MAPKAPK5: variants seen among roughly 807,000 people sequenced by gnomAD.
The protein encoded by MAPKAPK5 is MAP kinase-activated protein kinase 5.
MAPKAPK5 carries 30 observed loss-of-function variants against 65.1 expected under a neutral mutation model. The observed-to-expected ratio is 0.46, with a 90% CI of 0.34 to 0.63. The LOEUF (loss-of-function observed/expected upper bound fraction) is 0.63, where lower values mean the gene tolerates loss of function less well. Among genes scored for constraint, MAPKAPK5 ranks in the 20% least tolerant of loss-of-function variants. The pLI is 0.01. For synonymous variants in MAPKAPK5, 179 were observed against 204.6 expected (o/e 0.87, Z 1.07); for missense variants, 433 against 581.4 (o/e 0.74, Z 2.63).
chr12:111,845,075 T>C (rs886760901), intron 1 of MAPKAPK5, among the ~76,000 whole-genome samples: 1 of 152,078 alleles, frequency 6.6e-6, no homozygotes, highest in Non-Finnish European at 1.5e-5. Flanking sequence ...AGGGCAGCAA[T>C]GTCACTTAGT....
chr12:111,884,594 T>G (rs1246801441), intron 9 of MAPKAPK5, among the ~76,000 whole-genome samples: 1 of 152,188 alleles, frequency 6.6e-6, no homozygotes, highest in Non-Finnish European at 1.5e-5. Flanking sequence ...TCAGAGTCTT[T>G]TGGTAGCTGT....
At chr12:111,843,165 C>T (rs1220463149) in intron 1 of MAPKAPK5, 10 of 398,656 alleles carry the variant, frequency 2.5e-5, no homozygotes, top group Non-Finnish European at 4.0e-5. Flanking sequence ...ATCCATCCCT[C>T]CCGATTTGTT....
At chr12:111,846,691 G>T (rs1260216470) in intron 1 of MAPKAPK5, among the ~76,000 whole-genome samples, 2 of 151,492 alleles carry the variant, frequency 1.3e-5, no homozygotes, top group Non-Finnish European at 2.9e-5. Context: ...TAGAGACGGG[G>T]TTTCACCATG....
At chr12:111,860,226 A>G (rs779833881) in intron 1 of MAPKAPK5, among the ~76,000 whole-genome samples, 11 of 152,182 alleles carry the variant, frequency 7.2e-5, no homozygotes, top group Non-Finnish European at 1.5e-4. Context: ...ATCAACTTAC[A>G]GTCAAATGCT....
intron 1 of MAPKAPK5, among the ~76,000 whole-genome samples, chr12:111,846,725 C>G (rs1321218722): frequency 6.6e-6 from 1 of 151,988 alleles, no homozygotes; most frequent in East Asian, 1.9e-4. Context: ...TCTCGAACTC[C>G]TGACCTCATG....
At position 111,901,201 on chromosome 12, in the gene MAPKAPK5, A is replaced by AAGTC. The variant is rs1566299960; in HGVS notation, c.*8141_*8144dup. ...AATGGCACTTACTGTGCACCAAACAAAGTCTGCCTGAATTCCGCCTGCACA... is the reference window on the plus strand; with the variant it reads ...AATGGCACTTACTGTGCACCAAACAAAGTCAGTCTGCCTGAATTCCGCCTGCACA... On this transcript the variant is annotated 3_prime_UTR_variant, in exon 14 of 14. Transcript: ENST00000550735. 2.2e-6 allele frequency: 1 copy of AAGTC among 455,898 alleles called. No individual in the cohort carries two copies. The highest frequency in any genetic ancestry group is 4.4e-6 in the Non-Finnish European group (1 of 226,798). The allele number at this position is 455,898 out of a possible 1,614,324, so 28.2% of individuals were successfully genotyped here. A position where few individuals can be genotyped will look rare whatever the true frequency, so the allele number is the denominator to read the frequency against.
rs2070857022 is a variant in MAPKAPK5 at position 111,897,330 on chromosome 12, ATTG to A, written c.*4273_*4275del. 1 of 152,144 alleles carries A rather than the reference ATTG, an allele frequency of 6.6e-6. No individual in the cohort carries two copies. Among genetic ancestry groups the A allele is most frequent in the Non-Finnish European group, 1.5e-5 (1 of 68,012 alleles). 9.4% of individuals were successfully genotyped at this position (152,144 alleles called of 1,614,324 possible). A position where few individuals can be genotyped will look rare whatever the true frequency, so the allele number is the denominator to read the frequency against. On this transcript the variant is annotated 3_prime_UTR_variant, in exon 14 of 14. Coordinates refer to ENST00000550735, the MANE Select transcript of MAPKAPK5 (RefSeq NM_003668.4). ...GAAAAAATGAGTTGAAGAAATGGTA[ATTG>A]TTGGTCAAAGAAGCCAAAAGATTTA...
rs1344294128 is a variant in MAPKAPK5, at chr12:111,884,732, A to T, written c.848+964A>T. Among the ~76,000 whole-genome samples the T allele has an allele frequency of 3.9e-5, 6 of 152,198 alleles. No homozygotes were observed. The South Asian group carries it at 8.3e-4, about 21-fold the overall frequency. ...TCCCACTGCTGGGTCTTCACTGAGC[A>T]GTGTCTCCCTTGTTGGTCTCAGTTT... On this transcript the variant is annotated intron_variant, in intron 9 of 13. Transcript: ENST00000550735.
intron 9 of MAPKAPK5, among the ~76,000 whole-genome samples, chr12:111,885,221 A>G (rs2070364258): frequency 6.6e-6 from 1 of 152,306 alleles, no homozygotes; most frequent in East Asian, 1.9e-4. Context: ...GCAGTTAGGC[A>G]TGTTGTCCTG....
intron 1 of MAPKAPK5, among the ~76,000 whole-genome samples, chr12:111,844,263 T>G (rs2068834827): frequency 6.6e-6 from 1 of 151,712 alleles, no homozygotes; most frequent in Admixed American, 6.6e-5. Context: ...TGCTCTTGGC[T>G]CACTGCAACC....
intron 7 of MAPKAPK5, among the ~76,000 whole-genome samples, chr12:111,877,984 G>A (rs1304743644): frequency 2.0e-5 from 3 of 150,120 alleles, no homozygotes; most frequent in Non-Finnish European, 3.0e-5. Context: ...GATCTACCAC[G>A]TCCAGCTGAC....
At chr12:111,869,107 ACT>A (rs1193357542) in intron 5 of MAPKAPK5, among the ~76,000 whole-genome samples, 2 of 144,734 alleles carry the variant, frequency 1.4e-5, no homozygotes, top group Admixed American at 6.8e-5. Flanking sequence ...ATTTCAATAA[ACT>A]CTGGAAGGAA....
intron 13 of MAPKAPK5, 21 bp downstream of exon 13, chr12:111,890,165 C>A (rs1193067100): frequency 2.0e-5 from 30 of 1,496,434 alleles, no homozygotes; most frequent in Non-Finnish European, 2.5e-5. Context: ...TCATCAACTC[C>A]CTTCCCCAGG....
chr12:111,842,510 C>T lies in MAPKAPK5; in HGVS notation c.-224C>T. The T allele has an allele frequency of 2.9e-6, 1 of 350,056 alleles. No individual in the cohort carries two copies. 21.7% of individuals were successfully genotyped at this position (350,056 alleles called of 1,614,324 possible). On this transcript the variant is annotated 5_prime_UTR_variant, in exon 1 of 14. An upstream open reading frame in the 5' UTR gains an earlier in-frame stop. Coordinates refer to ENST00000550735, the MANE Select transcript of MAPKAPK5 (RefSeq NM_003668.4). The stretch of plus-strand genomic sequence containing the variant: ...GGGGCCCAGCACAAAGACCTGTCCC[C>T]AGGGGCCGCCGCCTCCGCCGCTGCT...
intron 13 of MAPKAPK5, among the ~76,000 whole-genome samples, chr12:111,892,685 A>G (rs917433480): frequency 4.6e-5 from 7 of 152,014 alleles, no homozygotes; most frequent in African/African-American, 1.5e-4. Context: ...TATTCTGGAT[A>G]TGAGTCTTTT....
In MAPKAPK5 at chr12:111,845,151, G is replaced by A. The variant is rs2068866890; in HGVS notation, c.36+2382G>A. Among the ~76,000 whole-genome samples, 4 of 151,936 alleles carry A rather than the reference G, an allele frequency of 2.6e-5. No homozygotes were observed. The South Asian group carries it at 8.3e-4, about 31-fold the overall frequency. ...ACCCTATGTTTTTTTTTGATACAGA[G>A]TCTCACTCTGTCACCCAGGCTGGAG... On this transcript the variant is annotated intron_variant, in intron 1 of 13. Coordinates refer to ENST00000550735, the MANE Select transcript of MAPKAPK5 (RefSeq NM_003668.4).
chr12:111,873,354 T>G (rs1199357226), intron 7 of MAPKAPK5, among the ~76,000 whole-genome samples: 1 of 152,126 alleles, frequency 6.6e-6, no homozygotes, highest in Non-Finnish European at 1.5e-5. Flanking sequence ...GTTTGTTTGT[T>G]TTTGAGACGG....
At chr12:111,860,429 A>G (rs1471882734) in intron 1 of MAPKAPK5, among the ~76,000 whole-genome samples, 2 of 152,176 alleles carry the variant, frequency 1.3e-5, no homozygotes, top group African/African-American at 2.4e-5. Context: ...GGATTTTCCC[A>G]TTAAATCTCT....
At chr12:111,859,652 C>CTTTTCTT (rs1555269112) in intron 1 of MAPKAPK5, among the ~76,000 whole-genome samples, 1 of 106,126 alleles carries the variant, frequency 9.4e-6, no homozygotes, top group African/African-American at 3.8e-5. Flanking sequence ...CTTTGCTTTT[C>CTTTTCTT]TTTTTTTTTT....
Sources: allele counts gnomAD v4.1 joint callset (sites outside exome capture counted in the v4.1 genomes callset), GRCh38; gene constraint gnomAD v4.1.1; transcripts MANE v1.5; gene names NCBI Gene and HGNC (gene_info 2026-07-23, HGNC 2026-07-21).